Variants in PNOC observed in about 807,000 individuals in gnomAD.
PNOC encodes prepronociceptin, also known as nociceptin.
Under a neutral mutation model 15.6 loss-of-function variants are expected in PNOC, and 10 were observed. The observed-to-expected ratio is 0.64, with a 90% CI of 0.40 to 1.09. The LOEUF (loss-of-function observed/expected upper bound fraction) is 1.09, where lower values mean the gene tolerates loss of function less well. Among genes scored for constraint, PNOC ranks in the 50% least tolerant of loss-of-function variants. The pLI is 0.01. For synonymous variants in PNOC, 98 were observed against 88.5 expected (o/e 1.11, Z -0.60); for missense variants, 220 against 223.9 (o/e 0.98, Z 0.11).
intron 1 of PNOC, among the ~76,000 whole-genome samples, chr8:28,319,091 C>T (rs545975947): frequency 1.8e-4 from 27 of 151,630 alleles, no homozygotes; most frequent in African/African-American, 5.3e-4. Flanking sequence ...ACGATTTAGG[C>T]GCTTTCACAC....
chr8:28,343,226 A>G lies in PNOC; in HGVS notation c.*332A>G, dbSNP rs1172212946. On this transcript the variant is annotated 3_prime_UTR_variant, in exon 4 of 4. Transcript: ENST00000301908. ...CCCCTTCTAGGGGCAGGTGAAAGGA[A>G]TAGGAAATTGAACCTGGGGTTTTGA... 1 of 153,860 alleles carries G rather than the reference A, an allele frequency of 6.5e-6. No individual in the cohort carries two copies. The highest frequency in any genetic ancestry group is 1.9e-4 in the East Asian group (1 of 5,214). The allele number at this position is 153,860 out of a possible 1,614,324, so 9.5% of individuals were successfully genotyped here.
chr8:28,327,667 A>G (rs2447009), intron 1 of PNOC, among the ~76,000 whole-genome samples: 49,002 of 150,970 alleles, frequency 0.32, 9,822 homozygotes, highest in Non-Finnish European at 0.46. Flanking sequence ...CCTGGGTTCA[A>G]GCAATTTCTG....
At chr8:28,335,609 C>T (rs1002313009) in intron 2 of PNOC, among the ~76,000 whole-genome samples, 2 of 152,118 alleles carry the variant, frequency 1.3e-5, no homozygotes, top group East Asian at 3.8e-4. Context: ...TTCACCACAA[C>T]CTCCGCCTCC....
chr8:28,337,785 G>C (rs1352587003), intron 2 of PNOC, among the ~76,000 whole-genome samples: 1 of 150,920 alleles, frequency 6.6e-6, no homozygotes, highest in Non-Finnish European at 1.5e-5. Context: ...TAGAGATGGG[G>C]TTTCACCATG....
At chr8:28,323,671 G>A (rs1801181329) in intron 1 of PNOC, among the ~76,000 whole-genome samples, 1 of 152,194 alleles carries the variant, frequency 6.6e-6, no homozygotes, top group Non-Finnish European at 1.5e-5. Flanking sequence ...AATTAACTAA[G>A]TACTCATCTC....
intron 2 of PNOC, among the ~76,000 whole-genome samples, chr8:28,338,364 G>A (rs1054974973): frequency 1.3e-5 from 2 of 152,036 alleles, no homozygotes; most frequent in Non-Finnish European, 2.9e-5. Context: ...GGAGCCGAGC[G>A]GGTCTGCTGG....
At chr8:28,339,738 C>G (rs1024884427) in intron 3 of PNOC, 1 of 287,104 alleles carries the variant, frequency 3.5e-6, no homozygotes, top group African/African-American at 2.2e-5. Flanking sequence ...GTTAAGATAA[C>G]TAATTCCTCT....
At chr8:28,325,957 G>C (rs930454336) in intron 1 of PNOC, among the ~76,000 whole-genome samples, 1 of 152,178 alleles carries the variant, frequency 6.6e-6, no homozygotes, top group Non-Finnish European at 1.5e-5. Flanking sequence ...CTAAAGCCCT[G>C]GTCCTTGGGA....
Position 28,327,077 on chromosome 8 carries a change from C to T in PNOC, c.-23-2058C>T, listed in dbSNP as rs1303780613. Reference sequence around the variant, plus strand: ...AACTCTTTATTAAGGGAACTGCATACAGTGAAATGCACAGAATGTAAATGT... The same window carrying T: ...AACTCTTTATTAAGGGAACTGCATATAGTGAAATGCACAGAATGTAAATGT... On this transcript the variant is annotated intron_variant, in intron 1 of 3. Transcript: ENST00000301908. 2.6e-5 allele frequency among the ~76,000 whole-genome samples: 4 copies of T among 152,206 alleles called. No homozygotes were observed. In the East Asian group the frequency reaches 7.7e-4, roughly 29 times the overall value.
At chr8:28,322,013 G>T (rs1801158957) in intron 1 of PNOC, among the ~76,000 whole-genome samples, 1 of 152,208 alleles carries the variant, frequency 6.6e-6, no homozygotes, top group Non-Finnish European at 1.5e-5. Context: ...GCATCGGGAA[G>T]ACCCACCTAT....
chr8:28,341,816 ACATG>A (rs1277753854), intron 3 of PNOC, among the ~76,000 whole-genome samples: 1 of 152,102 alleles, frequency 6.6e-6, no homozygotes, highest in Non-Finnish European at 1.5e-5. Context: ...TTTTCCCCCA[ACATG>A]CACAGTTGGT....
chr8:28,333,464 T>A (rs1220079702), intron 2 of PNOC, among the ~76,000 whole-genome samples: 4 of 152,156 alleles, frequency 2.6e-5, no homozygotes, highest in African/African-American at 9.7e-5. Context: ...GGCTGGTGAG[T>A]TCCCCGCACC....
chr8:28,330,998 G>A lies in PNOC; in HGVS notation c.126+1715G>A, dbSNP rs73668438. Among the ~76,000 whole-genome samples the A allele has an allele frequency of 2.1e-3, 316 of 152,084 alleles. 1 individual carries two copies. The highest frequency in any genetic ancestry group is 7.4e-3 in the African/African-American group (306 of 41,476). ...CACCAGAAGCACCACAGTTCCTTAA[G>A]GCAAATGTACAAATGTAGAACCGAG... On this transcript the variant is annotated intron_variant, in intron 2 of 3. Transcript: ENST00000301908.
chr8:28,317,703 C>A (rs1801081984), intron 1 of PNOC, among the ~76,000 whole-genome samples: 2 of 152,072 alleles, frequency 1.3e-5, no homozygotes, highest in South Asian at 4.2e-4. Context: ...CACGGGGCGG[C>A]CCCCAGGAAG....
At chr8:28,328,059 CTTTTTTTTT>C (rs67204932) in intron 1 of PNOC, among the ~76,000 whole-genome samples, 22 of 82,106 alleles carry the variant, frequency 2.7e-4, no homozygotes, top group East Asian at 2.0e-3. Flanking sequence ...CTCTCTCTCT[CTTTTTTTTT>C]TTTTTTTTTT....
chr8:28,317,608 C>T (rs1272515640), intron 1 of PNOC, among the ~76,000 whole-genome samples: 1 of 152,100 alleles, frequency 6.6e-6, no homozygotes, highest in Non-Finnish European at 1.5e-5. Context: ...GTGGCCCCTA[C>T]GTGGTTGTTG....
At chr8:28,324,751 T>C (rs1483519642) in intron 1 of PNOC, among the ~76,000 whole-genome samples, 1 of 152,082 alleles carries the variant, frequency 6.6e-6, no homozygotes, top group East Asian at 1.9e-4. Flanking sequence ...GAGTCCCAGC[T>C]ACTGAGGAGG....
chr8:28,330,400 T>TATTTTTTTTTTTTTTTTTTTTTTA (rs1431540071), intron 2 of PNOC, among the ~76,000 whole-genome samples: 17 of 102,232 alleles, frequency 1.7e-4, no homozygotes, highest in South Asian at 3.2e-4. Context: ...TATTTTATTT[T>TATTTTTTTTTTTTTTTTTTTTTTA]TTTTTTTTTT....
chr8:28,318,968 C>T (rs1317534929), intron 1 of PNOC, among the ~76,000 whole-genome samples: 2 of 152,204 alleles, frequency 1.3e-5, no homozygotes, highest in Non-Finnish European at 2.9e-5. Flanking sequence ...ACTAAGCTAT[C>T]CTGTATTCAA....
Sources: gnomAD v4.1 joint callset for allele counts (sites outside exome capture counted in the v4.1 genomes callset) on GRCh38, gnomAD v4.1.1 for gene constraint, MANE v1.5 for transcripts, NCBI Gene and HGNC (gene_info 2026-07-23, HGNC 2026-07-21) for gene names.